The following SOX5 variants were observed in gnomAD, a reference collection of about 807,000 sequenced individuals.
SOX5 encodes the protein transcription factor SOX-5.
Under a neutral mutation model 92.0 loss-of-function variants are expected in SOX5, and 9 were observed. The ratio of observed to expected loss-of-function variants is 0.10; its 90% CI spans 0.06 to 0.17. The LOEUF is 0.17. SOX5 is among the 10% of genes least tolerant of loss of function. The pLI, the probability that SOX5 is intolerant of heterozygous loss-of-function variation, is 1.00. For synonymous variants in SOX5, 344 were observed against 336.3 expected, an observed-to-expected ratio of 1.02 and a Z score of -0.25; for missense variants, 642 against 944.5, an observed-to-expected ratio of 0.68 and a Z score of 4.20.
At position 23,816,116 on chromosome 12, in the gene SOX5, G is replaced by A. The variant is rs77038685; in HGVS notation, c.481+29867C>T. Among the ~76,000 whole-genome samples the A allele has an allele frequency of 2.6e-5, 4 of 151,850 alleles. No homozygotes were observed. The East Asian group carries it at 5.8e-4, about 22-fold the overall frequency. On this transcript the variant is annotated intron_variant, in intron 3 of 14. Coordinates refer to ENST00000451604, the MANE Select transcript of SOX5 (RefSeq NM_006940.6). ...TAGTTCATAGAACATACAATACTAC[G>A]CTGAGGTAGATTTGGCCTGTGGACC...
chr12:24,554,881 GT>G (rs1290726627), intron 1 of SOX5, among the ~76,000 whole-genome samples: 1 of 152,320 alleles, frequency 6.6e-6, no homozygotes, highest in African/African-American at 2.4e-5. Flanking sequence ...TTTCTCAGAT[GT>G]TGTTCTCCCA....
At chr12:23,650,994 CTGATTTGA>C (rs1478891758) in intron 7 of SOX5, among the ~76,000 whole-genome samples, 22 of 151,900 alleles carry the variant, frequency 1.4e-4, no homozygotes, top group Admixed American at 1.4e-3. Flanking sequence ...GACTTGATAA[CTGATTTGA>C]TGAAGTAAAA....
chr12:24,317,433 C>T (rs751067108), intron 2 of SOX5, among the ~76,000 whole-genome samples: 3 of 152,152 alleles, frequency 2.0e-5, no homozygotes, highest in Admixed American at 6.5e-5. Context: ...GTCAACACTG[C>T]CAGGATATAT....
At chr12:24,072,255 G>T (rs1246852494) in intron 4 of SOX5, among the ~76,000 whole-genome samples, 1 of 152,180 alleles carries the variant, frequency 6.6e-6, no homozygotes, top group African/African-American at 2.4e-5. Context: ...GAGATGCGTG[G>T]ATATTTCATT....
chr12:24,456,101 A>T (rs903307644), intron 1 of SOX5, among the ~76,000 whole-genome samples: 4 of 152,130 alleles, frequency 2.6e-5, no homozygotes, highest in African/African-American at 9.7e-5. Flanking sequence ...ACCTCAGGAA[A>T]CCCAGCCCAA....
chr12:24,328,884 G>C (rs185853894), intron 2 of SOX5, among the ~76,000 whole-genome samples: 26 of 152,240 alleles, frequency 1.7e-4, no homozygotes, highest in African/African-American at 6.0e-4. Context: ...TAACGTTATT[G>C]TTAGAGTCCT....
intron 1 of SOX5, among the ~76,000 whole-genome samples, chr12:24,453,839 C>T (rs749395388): frequency 1.3e-5 from 2 of 152,198 alleles, no homozygotes; most frequent in Non-Finnish European, 2.9e-5. Context: ...AATAGAGTGG[C>T]TTCAGGTGTT....
chr12:23,797,595 A>G (rs898518344), intron 3 of SOX5, among the ~76,000 whole-genome samples: 1 of 152,084 alleles, frequency 6.6e-6, no homozygotes, highest in Non-Finnish European at 1.5e-5. Context: ...GAGTGAGAGC[A>G]AATGCCACGT....
chr12:23,868,861 T>C (rs1439713403), intron 2 of SOX5, among the ~76,000 whole-genome samples: 1 of 152,168 alleles, frequency 6.6e-6, no homozygotes, highest in Non-Finnish European at 1.5e-5. Context: ...ATAGGATTTT[T>C]ATTAAGCAAT....
At chr12:24,403,425 C>T (rs536453835) in intron 1 of SOX5, among the ~76,000 whole-genome samples, 1 of 152,068 alleles carries the variant, frequency 6.6e-6, no homozygotes, top group Non-Finnish European at 1.5e-5. Context: ...CAGTAAAGCT[C>T]GGTTGAATGA....
upstream of SOX5, among the ~76,000 whole-genome samples, chr12:23,953,627 T>C (rs559499996): frequency 4.6e-5 from 7 of 152,110 alleles, no homozygotes; most frequent in African/African-American, 1.7e-4. Context: ...TCAAATCAAT[T>C]TTTGAGTATT....
At chr12:24,191,400 G>A (rs1197408988) in intron 4 of SOX5, among the ~76,000 whole-genome samples, 1 of 152,150 alleles carries the variant, frequency 6.6e-6, no homozygotes, top group East Asian at 1.9e-4. Flanking sequence ...TGTTGGGAGA[G>A]TCTGCTGCTT....
intron 1 of SOX5, among the ~76,000 whole-genome samples, chr12:24,414,522 C>T (rs578037883): frequency 6.6e-6 from 1 of 152,314 alleles, no homozygotes; most frequent in Admixed American, 6.5e-5. Flanking sequence ...TTCAAATGCC[C>T]TTCCATTCCA....
intron 2 of SOX5, among the ~76,000 whole-genome samples, chr12:24,358,526 G>A (rs55715014): frequency 0.28 from 43,245 of 151,810 alleles, 6,805 homozygotes; most frequent in Non-Finnish European, 0.36. Flanking sequence ...GCAGAAGAAT[G>A]GTGTGAACCC....
At chr12:23,858,599 A>G (rs1348242984) in intron 2 of SOX5, among the ~76,000 whole-genome samples, 3 of 152,134 alleles carry the variant, frequency 2.0e-5, no homozygotes, top group Non-Finnish European at 4.4e-5. Flanking sequence ...TGTTGGTGGG[A>G]GTGTAAATTA....
intron 7 of SOX5, among the ~76,000 whole-genome samples, chr12:23,653,619 C>A (rs1477754867): frequency 1.3e-5 from 2 of 152,014 alleles, no homozygotes; most frequent in African/African-American, 2.4e-5. Context: ...AATAAGGGCA[C>A]CAGCAAATTC....
At chr12:23,906,830 C>T (rs1218211870) in intron 1 of SOX5, among the ~76,000 whole-genome samples, 5 of 151,664 alleles carry the variant, frequency 3.3e-5, no homozygotes, top group East Asian at 1.9e-4. Context: ...AGTGTGCTTC[C>T]GGGTTAAGGA....
chr12:24,537,070 A>G, intron 1 of SOX5, among the ~76,000 whole-genome samples: 1 of 152,226 alleles, frequency 6.6e-6, no homozygotes, highest in South Asian at 2.1e-4. Context: ...ATAAATAGAC[A>G]TGACTGAATT....
At chr12:24,144,603 T>C (rs1185866395) in intron 4 of SOX5, among the ~76,000 whole-genome samples, 2 of 152,038 alleles carry the variant, frequency 1.3e-5, no homozygotes, top group African/African-American at 4.8e-5. Context: ...ACCAGGAGTT[T>C]GAGATCAGAC....
Sources: gnomAD v4.1 joint callset for allele counts (sites outside exome capture counted in the v4.1 genomes callset) on GRCh38, gnomAD v4.1.1 for gene constraint, MANE v1.5 for transcripts, NCBI Gene and HGNC (gene_info 2026-07-23, HGNC 2026-07-21) for gene names.